DHX40: variants seen among roughly 807,000 people sequenced by gnomAD.
The protein encoded by DHX40 is DEAH-box helicase 40, also known as probable ATP-dependent RNA helicase DHX40.
Under a neutral mutation model 89.6 loss-of-function variants are expected in DHX40, and 28 were observed. That is an observed-to-expected ratio of 0.31 (90% confidence interval 0.23 to 0.43). The LOEUF is 0.43. Among genes scored for constraint, DHX40 ranks in the 20% least tolerant of loss-of-function variants. The pLI, the probability that DHX40 is intolerant of heterozygous loss-of-function variation, is 1.00. For missense variants in DHX40, 457 were observed against 844.0 expected, an observed-to-expected ratio of 0.54 and a Z score of 5.68; for synonymous variants, 226 against 283.6, an observed-to-expected ratio of 0.80 and a Z score of 2.04.
intron 7 of DHX40, among the ~76,000 whole-genome samples, chr17:59,576,678 T>G (rs2048886018): frequency 6.6e-6 from 1 of 152,196 alleles, no homozygotes; most frequent in South Asian, 2.1e-4. Flanking sequence ...TCTCATTGTT[T>G]TCTCAAGATT....
At chr17:59,589,877 C>T (rs1362015543) in intron 12 of DHX40, among the ~76,000 whole-genome samples, 7 of 149,100 alleles carry the variant, frequency 4.7e-5, no homozygotes, top group Non-Finnish European at 7.4e-5. Flanking sequence ...TGGGCCACCA[C>T]GCCTGGCTAA....
At chr17:59,594,763 G>A (rs1472764058) in intron 12 of DHX40, among the ~76,000 whole-genome samples, 1 of 152,038 alleles carries the variant, frequency 6.6e-6, no homozygotes, top group African/African-American at 2.4e-5. Context: ...CTACCGAGTA[G>A]CATTTAGGAG....
intron 10 of DHX40, among the ~76,000 whole-genome samples, chr17:59,585,489 G>A (rs1404658031): frequency 2.0e-5 from 3 of 151,338 alleles, no homozygotes; most frequent in Non-Finnish European, 4.4e-5. Context: ...TTGGGAGGCC[G>A]AGGCGGGCGG....
chr17:59,583,416 T>G (rs2048962044), intron 10 of DHX40, among the ~76,000 whole-genome samples: 1 of 54,288 alleles, frequency 1.8e-5, no homozygotes, highest in African/African-American at 3.9e-5. Context: ...AGCTTTAAAA[T>G]GACTTTAACA....
intron 2 of DHX40, among the ~76,000 whole-genome samples, chr17:59,568,600 A>T (rs2048741801): frequency 6.6e-6 from 1 of 152,134 alleles, no homozygotes; most frequent in Non-Finnish European, 1.5e-5. Flanking sequence ...CAACAACAAC[A>T]ATAAAATAGA....
chr17:59,580,778 A>G lies in DHX40; in HGVS notation c.1343+899A>G, dbSNP rs561787728. On this transcript the variant is annotated intron_variant, in intron 10 of 17. Transcript: ENST00000251241. The stretch of plus-strand genomic sequence containing the variant: ...GCGGTCCAGCCTGGGCAACAGAGTG[A>G]GACCCTGTTTCAAAAGAAGGGGGCT... 2.0e-5 allele frequency among the ~76,000 whole-genome samples: 3 copies of G among 151,226 alleles called. No individual in the cohort carries two copies. The East Asian group carries it at 5.8e-4, about 29-fold the overall frequency.
chr17:59,602,503 C>T lies in DHX40; in HGVS notation c.1807-19C>T. 1 of 1,586,856 alleles carries T rather than the reference C, an allele frequency of 6.3e-7. No homozygotes were observed. Among genetic ancestry groups the T allele is most frequent in the South Asian group, 1.1e-5 (1 of 89,704 alleles). ...ATTGTACTATGAGATTTACCACTCT[C>T]TACATATTCTTTTTATAGCAAAGTG... On this transcript the variant is annotated intron_variant, in intron 14 of 17. Coordinates refer to ENST00000251241, the MANE Select transcript of DHX40 (RefSeq NM_024612.5).
At chr17:59,569,867 A>G (rs1316733868) in intron 2 of DHX40, among the ~76,000 whole-genome samples, 1 of 145,674 alleles carries the variant, frequency 6.9e-6, no homozygotes, top group Non-Finnish European at 1.5e-5. Flanking sequence ...CCAACAGGGA[A>G]AAAACCCGTC....
chr17:59,607,350 T>C lies in DHX40; in HGVS notation c.*178T>C, dbSNP rs1212653627. 7.8e-7 allele frequency: 1 copy of C among 1,287,494 alleles called. No homozygotes were observed. Among genetic ancestry groups the C allele is most frequent in the East Asian group, 2.5e-5 (1 of 39,680 alleles). The allele number at this position is 1,287,494 out of a possible 1,614,324, so 79.8% of individuals were successfully genotyped here. A position where few individuals can be genotyped will look rare whatever the true frequency, so the allele number is the denominator to read the frequency against. On this transcript the variant is annotated 3_prime_UTR_variant, in exon 18 of 18. Transcript: ENST00000251241. ...GCTCATCAGTTCCCATAAATGCAGT[T>C]GTCAAAGAAAAGATTTGGTTGCCAT... is the stretch of plus-strand genomic sequence containing the variant.
chr17:59,570,377 CAT>C (rs559859520), intron 2 of DHX40, 139 bp from the exon 3 acceptor site: 125 of 574,446 alleles, frequency 2.2e-4, no homozygotes, highest in African/African-American at 7.6e-4. Context: ...ATGATGCAAA[CAT>C]AGCAGTGTGT....
intron 8 of DHX40, among the ~76,000 whole-genome samples, chr17:59,579,097 T>G (rs1367393127): frequency 3.5e-5 from 4 of 114,294 alleles, no homozygotes; most frequent in Non-Finnish European, 7.1e-5. Flanking sequence ...TAATGGTTAA[T>G]GGACATTTAG....
At position 59,588,033 on chromosome 17, in the gene DHX40, A is replaced by G; in HGVS notation, c.1562A>G (p.Glu521Gly). 6.2e-7 allele frequency: 1 copy of G among 1,613,598 alleles called. No homozygotes were observed. The highest frequency in any genetic ancestry group is 2.2e-5 in the East Asian group (1 of 44,862). Residue 521 changes from glutamate (E) to glycine (G), a missense_variant, in exon 12 of 18, where the codon GAA becomes GGA. By Grantham distance (98) the Glu-to-Gly change is moderately conservative. Transcript: ENST00000251241. ...LLPIAAMLSV[E>G]NVFIRPVDPE... ...CCAATAGCAGCAATGTTGTCTGTGG[A>G]AAACGTCTTCATTAGACCTGGTAAG...
chr17:59,574,024 G>A, intron 5 of DHX40, 57 bp downstream of exon 5: 1 of 1,048,338 alleles, frequency 9.5e-7, no homozygotes, highest in Non-Finnish European at 1.3e-6. Flanking sequence ...CTTACTAATT[G>A]GGTGGTTTGA....
chr17:59,581,099 A>G (rs900083824), intron 10 of DHX40, among the ~76,000 whole-genome samples: 3 of 150,124 alleles, frequency 2.0e-5, no homozygotes, highest in African/African-American at 5.0e-5. Context: ...ACAAAACAAA[A>G]CAAAAGGGTA....
intron 15 of DHX40, chr17:59,604,460 A>C (rs2030721593): frequency 6.6e-6 from 1 of 152,298 alleles, no homozygotes; most frequent in African/African-American, 2.4e-5. Context: ...TGGAGGGTAC[A>C]GATATGTAAG....
intron 2 of DHX40, among the ~76,000 whole-genome samples, chr17:59,570,132 AT>A (rs1259693154): frequency 3.1e-5 from 4 of 130,072 alleles, no homozygotes; most frequent in African/African-American, 1.2e-4. Flanking sequence ...ATATTTATAT[AT>A]AATATATTAT....
At chr17:59,576,764 A>T (rs910624824) in intron 7 of DHX40, among the ~76,000 whole-genome samples, 1 of 152,086 alleles carries the variant, frequency 6.6e-6, no homozygotes, top group Non-Finnish European at 1.5e-5. Flanking sequence ...TTAATCATTA[A>T]CTAAATATGT....
intron 2 of DHX40, among the ~76,000 whole-genome samples, chr17:59,568,987 G>T (rs1316733203): frequency 1.3e-5 from 2 of 151,950 alleles, no homozygotes; most frequent in Non-Finnish European, 2.9e-5. Context: ...TGAGTAGCTG[G>T]GATTACAGGT....
At position 59,575,139 on chromosome 17, in the gene DHX40, G is replaced by A. The variant is rs535164629; in HGVS notation, c.842-201G>A. 0.022 allele frequency among the ~76,000 whole-genome samples: 3,299 copies of A among 148,816 alleles called. 62 individuals carry two copies. Among genetic ancestry groups the A allele is most frequent in the African/African-American group, 0.044 (1,735 of 39,744 alleles). Reference sequence around the variant, plus strand: ...ATATTTTTATTCCTTTAGAGATTTAGGTTTCTTAGAAACTGATGTTTCTTC... The same window carrying A: ...ATATTTTTATTCCTTTAGAGATTTAAGTTTCTTAGAAACTGATGTTTCTTC... On this transcript the variant is annotated intron_variant, in intron 6 of 17. Transcript: ENST00000251241.
Sources: allele counts gnomAD v4.1 joint callset (sites outside exome capture counted in the v4.1 genomes callset), GRCh38; gene constraint gnomAD v4.1.1; transcripts MANE v1.5; gene names NCBI Gene and HGNC (gene_info 2026-07-23, HGNC 2026-07-21).